The following PAN2 variants were observed in gnomAD, a reference collection of about 807,000 sequenced individuals.
The protein encoded by PAN2 is poly(A) specific ribonuclease subunit PAN2.
Under a neutral mutation model 133.3 loss-of-function variants are expected in PAN2, and 68 were observed. The ratio of observed to expected loss-of-function variants is 0.51; its 90% CI spans 0.42 to 0.62. The LOEUF is 0.62. PAN2 is among the 20% of genes least tolerant of loss of function. PAN2 has a pLI of 0.00. For missense variants in PAN2, 1,042 were observed against 1,500.5 expected, an observed-to-expected ratio of 0.69 and a Z score of 5.05; for synonymous variants, 462 against 544.6, an observed-to-expected ratio of 0.85 and a Z score of 2.11.
intron 2 of PAN2, 140 bp downstream of exon 2, chr12:56,332,673 C>CTT: frequency 1.3e-6 from 1 of 764,898 alleles, no homozygotes; most frequent in Non-Finnish European, 2.2e-6. Flanking sequence ...TAGATTCTCC[C>CTT]TTTATCCCTC....
chr12:56,329,431 G>C (rs1398418973), intron 2 of PAN2, among the ~76,000 whole-genome samples: 1 of 151,936 alleles, frequency 6.6e-6, no homozygotes, highest in Non-Finnish European at 1.5e-5. Flanking sequence ...TGCCTCCCAG[G>C]TTCAAGCAAT....
intron 20 of PAN2, among the ~76,000 whole-genome samples, chr12:56,320,815 A>C (rs1472103357): frequency 1.4e-5 from 2 of 139,462 alleles, no homozygotes; most frequent in African/African-American, 5.5e-5. Context: ...CTGTAAACCC[A>C]GCACTTTGGA....
At chr12:56,328,448 G>T in intron 3 of PAN2, 24 bp downstream of exon 3, 1 of 1,613,106 alleles carries the variant, frequency 6.2e-7, no homozygotes. Flanking sequence ...CTCGTTCCTA[G>T]TCCAGAGCTG....
chr12:56,325,165 C>T (rs370972600), intron 9 of PAN2, 37 bp from the exon 10 acceptor site: 39 of 1,606,030 alleles, frequency 2.4e-5, no homozygotes, highest in Non-Finnish European at 3.0e-5. Flanking sequence ...CAAGGATATT[C>T]TCAGAGTCCC....
Position 56,319,023 on chromosome 12 carries a change from C to T in PAN2, c.3364+65G>A. ...CATGTTGCCGCAAAGAACATGATTT[C>T]TTTTTTTTTAAATGGCTGCTTCTGC... On this transcript the variant is annotated intron_variant, in intron 24 of 25. Coordinates refer to ENST00000440411, the MANE Select transcript of PAN2 (RefSeq NM_014871.6). This position sits in a 1 kb window ranked among gnomAD's most constrained non-coding sequence, Gnocchi z 5.4. 6.7e-7 allele frequency: 1 copy of T among 1,486,156 alleles called. No individual in the cohort carries two copies. Among genetic ancestry groups the T allele is most frequent in the Admixed American group, 1.7e-5 (1 of 58,588 alleles). The allele number at this position is 1,486,156 out of a possible 1,614,324, so 92.1% of individuals were successfully genotyped here.
In PAN2 at chr12:56,328,459, A is replaced by G. The variant is rs1172103328; in HGVS notation, c.452+13T>C. The G allele has an allele frequency of 6.2e-7, 1 of 1,613,540 alleles. No homozygotes were observed. Among genetic ancestry groups the G allele is most frequent in the Non-Finnish European group, 8.5e-7 (1 of 1,179,720 alleles). ...CATCCTCGTTCCTAGTCCAGAGCTGAGAAGCCACTTACAGGTAATCAAATA... is the reference window on the plus strand; with the variant it reads ...CATCCTCGTTCCTAGTCCAGAGCTGGGAAGCCACTTACAGGTAATCAAATA... On this transcript the variant is annotated intron_variant, in intron 3 of 25. Transcript: ENST00000440411.
Position 56,328,324 on chromosome 12 carries a change from G to T in PAN2, c.487C>A (p.Leu163Met). 1 of 1,608,546 alleles carries T rather than the reference G, an allele frequency of 6.2e-7. No homozygotes were observed. Among genetic ancestry groups the T allele is most frequent in the Non-Finnish European group, 8.5e-7 (1 of 1,176,982 alleles). Residue 163 changes from leucine to methionine, a missense_variant, in exon 4 of 26, where the codon CTG becomes ATG. Around this residue, in one of 3 missense-constraint regions of PAN2, gnomAD observed 908 missense variants for 1,223.5 expected, o/e 0.74. Transcript: ENST00000440411. ...ACGAGTAGAGTGCTGCTGTCAGTCA[G>T]TAGGAGACTGTGCATATCCTCATTC... The part of the protein sequence containing the change: ...DENEDMHSLL[L>M]TDSSTLLVGG...
chr12:56,324,301 C>T lies in PAN2; in HGVS notation c.1921G>A (p.Gly641Arg), dbSNP rs1267580824. The change falls in exon 12 of 26, where the codon GGA becomes AGA. Residue 641 changes from glycine (G) to arginine (R), a missense_variant. Gly to Arg is a moderately radical substitution (Grantham distance 125). This residue lies in a region of PAN2 where 908 missense variants were observed against 1,223.5 expected (regional missense o/e 0.74). Coordinates refer to ENST00000440411, the MANE Select transcript of PAN2 (RefSeq NM_014871.6). ...LEIPQAYRGA[G>R]GSSFCSSGDS... The stretch of plus-strand genomic sequence containing the variant: ...TCTATCCTGATTTCATACCTGCCTC[C>T]AGCACCTCGATAAGCCTGTGGTATT... The T allele has an allele frequency of 6.2e-7, 1 of 1,613,574 alleles. No homozygotes were observed. The highest frequency in any genetic ancestry group is 8.5e-7 in the Non-Finnish European group (1 of 1,180,014).
In PAN2 at chr12:56,324,191, A is replaced by G; in HGVS notation, c.1929-6T>C. 6.2e-7 allele frequency: 1 copy of G among 1,613,710 alleles called. No homozygotes were observed. Among genetic ancestry groups the G allele is most frequent in the Non-Finnish European group, 8.5e-7 (1 of 1,179,974 alleles). On this transcript the variant is annotated splice_polypyrimidine_tract_variant and splice_region_variant and intron_variant, in intron 12 of 25. Coordinates refer to ENST00000440411, the MANE Select transcript of PAN2 (RefSeq NM_014871.6). ...CCCCCGATGAGCAAAAGCTGCTAAG[A>G]GTGGAGAGGATGATATATGCACATT...
intron 20 of PAN2, among the ~76,000 whole-genome samples, chr12:56,321,560 A>T (rs63544462): frequency 0.18 from 14,424 of 78,396 alleles, 865 homozygotes; most frequent in Non-Finnish European, 0.28. Flanking sequence ...AAAAAAAAAA[A>T]TTTTTTTAGG....
At chr12:56,330,428 C>G (rs1194478894) in intron 2 of PAN2, among the ~76,000 whole-genome samples, 1 of 124,942 alleles carries the variant, frequency 8.0e-6, no homozygotes, top group Non-Finnish European at 1.6e-5. Context: ...GGCGGGATCT[C>G]GGCTCACTGC....
rs199635319 is a variant in PAN2 at position 56,326,391 on chromosome 12, A to T, written c.1281T>A (p.Asp427Glu). 1.9e-6 allele frequency: 3 copies of T among 1,597,470 alleles called. No individual in the cohort carries two copies. In the East Asian group the frequency reaches 6.7e-5, roughly 36 times the overall value. The change falls in exon 8 of 26, where the codon GAT becomes GAA. Residue 427 changes from aspartate to glutamate, a missense_variant. Physicochemically the swap from Asp to Glu is conservative, Grantham distance 45. Around this residue, in one of 3 missense-constraint regions of PAN2, gnomAD observed 908 missense variants for 1,223.5 expected, o/e 0.74. Coordinates refer to ENST00000440411, the MANE Select transcript of PAN2 (RefSeq NM_014871.6). The stretch of plus-strand genomic sequence containing the variant: ...TCTTCATGGTGCGCAGAATCTCTGC[A>T]TCCACGGGTGGTGCTCGCCTACAAT... ...APAPRRAPPVDAEILRTMKKV... is the reference protein window; with the variant it reads ...APAPRRAPPVEAEILRTMKKV...
At chr12:56,323,413 T>C in intron 15 of PAN2, 29 bp from the exon 16 acceptor site, 1 of 1,611,588 alleles carries the variant, frequency 6.2e-7, no homozygotes, top group Non-Finnish European at 8.5e-7. Context: ...CATCCAGTTC[T>C]TCAGGAATGT....
chr12:56,323,929 A>G lies in PAN2; in HGVS notation c.2066-16T>C. 6.2e-7 allele frequency: 1 copy of G among 1,607,604 alleles called. No individual in the cohort carries two copies. The highest frequency in any genetic ancestry group is 8.5e-7 in the Non-Finnish European group (1 of 1,174,008). ...CCAGTTTTATCTGAGGGAAAATTAGATGCTATACTCCTGGTTCTCCCCTCT... is the reference window on the plus strand; with the variant it reads ...CCAGTTTTATCTGAGGGAAAATTAGGTGCTATACTCCTGGTTCTCCCCTCT... On this transcript the variant is annotated splice_polypyrimidine_tract_variant and intron_variant, in intron 13 of 25. Transcript: ENST00000440411.
Position 56,333,225 on chromosome 12 carries a change from G to A in PAN2, c.-114-17C>T. On this transcript the variant is annotated splice_polypyrimidine_tract_variant and intron_variant, in intron 1 of 25. Coordinates refer to ENST00000440411, the MANE Select transcript of PAN2 (RefSeq NM_014871.6). ...CATCCTGGCCTGTAAGGGGAAAGAG[G>A]TAGCTGAGTCAAGGGTAGGCCCAGG... The A allele has an allele frequency of 1.1e-6, 1 of 949,062 alleles. No homozygotes were observed. The highest frequency in any genetic ancestry group is 1.6e-6 in the Non-Finnish European group (1 of 632,744). The allele number at this position is 949,062 out of a possible 1,614,324, so 58.8% of individuals were successfully genotyped here. A position where few individuals can be genotyped will look rare whatever the true frequency, so the allele number is the denominator to read the frequency against.
intron 12 of PAN2, 51 bp downstream of exon 12, chr12:56,324,243 A>T: frequency 6.2e-7 from 1 of 1,611,066 alleles, no homozygotes; most frequent in Non-Finnish European, 8.5e-7. Flanking sequence ...CTTTTAAATC[A>T]CAGAGGGGCC....
At position 56,324,463 on chromosome 12, in the gene PAN2, T is replaced by C. The variant is rs778648628; in HGVS notation, c.1759A>G (p.Ile587Val). 18 of 1,613,710 alleles carry C rather than the reference T, an allele frequency of 1.1e-5. No homozygotes were observed. Among genetic ancestry groups the C allele is most frequent in the Non-Finnish European group, 2.5e-6 (3 of 1,179,780 alleles). The change falls in exon 12 of 26, where the codon ATT (isoleucine) becomes GTT (valine). Residue 587 changes from isoleucine to valine, a missense_variant. Physicochemically the swap from Ile to Val is conservative, Grantham distance 29. This residue lies in a region of PAN2 where 908 missense variants were observed against 1,223.5 expected (regional missense o/e 0.74). Transcript: ENST00000440411. ...AGACCGAGGGCTGAGGCCTCAGGAATAGTACGGAATGCCCGAAGAAAATTA... is the reference window on the plus strand; with the variant it reads ...AGACCGAGGGCTGAGGCCTCAGGAACAGTACGGAATGCCCGAAGAAAATTA... ...GNNFLRAFRTIPEASALGLIL... is the reference protein window; with the variant it reads ...GNNFLRAFRTVPEASALGLIL...
intron 20 of PAN2, 118 bp from the exon 21 acceptor site, chr12:56,320,139 C>T (rs1440767825): frequency 2.3e-6 from 2 of 887,304 alleles, no homozygotes; most frequent in South Asian, 1.6e-5. Context: ...ATAATCAAAG[C>T]ACGTGAGAAA....
chr12:56,327,290 A>G, intron 6 of PAN2, 74 bp downstream of exon 6: 1 of 1,502,024 alleles, frequency 6.7e-7, no homozygotes, highest in Non-Finnish European at 9.2e-7. Flanking sequence ...AGGTTTCAGG[A>G]TGAGTACTCC....
Sources: allele counts gnomAD v4.1 joint callset (sites outside exome capture counted in the v4.1 genomes callset), GRCh38; gene constraint gnomAD v4.1.1; regional missense constraint gnomAD v4.1.1; non-coding constraint Gnocchi (gnomAD v3.1); transcripts MANE v1.5; gene names NCBI Gene and HGNC (gene_info 2026-07-23, HGNC 2026-07-21).